Variants in ANO2 observed in about 807,000 individuals in gnomAD.
The protein encoded by ANO2 is anoctamin 2, also known as anoctamin-2.
In ANO2, 101 loss-of-function variants were observed where a neutral mutation model predicts 124.2. The observed-to-expected ratio is 0.81, with a 90% CI of 0.69 to 0.96. The LOEUF is 0.96. Among genes scored for constraint, ANO2 ranks in the 40% least tolerant of loss-of-function variants. The probability of loss-of-function intolerance (pLI) is 0.00; values close to 1 mark genes in which losing one functional copy is unlikely to be tolerated. For missense variants in ANO2, 1,293 were observed against 1,274.5 expected (o/e 1.01, Z -0.22); for synonymous variants, 486 against 482.5 (o/e 1.01, Z -0.09).
intron 14 of ANO2, among the ~76,000 whole-genome samples, chr12:5,678,611 G>T (rs114737191): frequency 6.6e-6 from 1 of 152,336 alleles, no homozygotes; most frequent in Non-Finnish European, 1.5e-5. Context: ...GCTGTCTTCT[G>T]TGCTACGTGG....
At chr12:5,713,293 T>C (rs2137042239) in intron 14 of ANO2, among the ~76,000 whole-genome samples, 1 of 152,308 alleles carries the variant, frequency 6.6e-6, no homozygotes, top group African/African-American at 2.4e-5. Context: ...GACAACTGGG[T>C]TGTTCAAAAG....
At chr12:5,791,738 A>G (rs1952701702) in intron 10 of ANO2, among the ~76,000 whole-genome samples, 1 of 152,204 alleles carries the variant, frequency 6.6e-6, no homozygotes, top group Admixed American at 6.5e-5. Flanking sequence ...TACCCACTTC[A>G]CAGGGTTGCT....
rs372130190 is a variant in ANO2 at position 5,578,346 on chromosome 12, C to A, written c.2386+20G>T. ...TGGCAGAAGGATGGGCCTGGTGGGG[C>A]CTCTAAGTGGGGCACGTACCGATAT... On this transcript the variant is annotated intron_variant, in intron 21 of 24. Transcript: ENST00000682330. 6.2e-7 allele frequency: 1 copy of A among 1,608,990 alleles called. No homozygotes were observed. Among genetic ancestry groups the A allele is most frequent in the Non-Finnish European group, 8.5e-7 (1 of 1,176,822 alleles).
chr12:5,823,115 A>G (rs146163187), intron 7 of ANO2, among the ~76,000 whole-genome samples: 1,995 of 152,316 alleles, frequency 0.013, 39 homozygotes, highest in Admixed American at 0.049. Context: ...CAGCCAAACC[A>G]TATCATTCCA....
At chr12:5,791,425 C>T (rs1449673427) in intron 10 of ANO2, among the ~76,000 whole-genome samples, 1 of 152,136 alleles carries the variant, frequency 6.6e-6, no homozygotes, top group Non-Finnish European at 1.5e-5. Flanking sequence ...ATAAAGATGG[C>T]CCCATCATAA....
At chr12:5,671,360 T>A (rs1189198979) in intron 14 of ANO2, among the ~76,000 whole-genome samples, 1 of 152,170 alleles carries the variant, frequency 6.6e-6, no homozygotes, top group Non-Finnish European at 1.5e-5. Context: ...ACAATAAATA[T>A]TTTAAAGTGT....
intron 10 of ANO2, among the ~76,000 whole-genome samples, chr12:5,764,257 C>T (rs1372493930): frequency 6.6e-6 from 1 of 152,222 alleles, no homozygotes; most frequent in Non-Finnish European, 1.5e-5. Flanking sequence ...CGTGGCAGAG[C>T]AACAATTTTA....
chr12:5,583,091 A>C (rs1467480898), intron 20 of ANO2, among the ~76,000 whole-genome samples: 1 of 152,226 alleles, frequency 6.6e-6, no homozygotes. Flanking sequence ...ATCACATAGC[A>C]GATGCTCAAA....
At chr12:5,648,508 C>A (rs182131507) in intron 14 of ANO2, among the ~76,000 whole-genome samples, 1 of 152,208 alleles carries the variant, frequency 6.6e-6, no homozygotes, top group African/African-American at 2.4e-5. Context: ...TATCCTGCGA[C>A]AATCGTTATC....
At position 5,875,404 on chromosome 12, in the gene ANO2, C is replaced by T. The variant is rs190033463; in HGVS notation, c.535-21263G>A. Among the ~76,000 whole-genome samples, 198 of 152,340 alleles carry T rather than the reference C, an allele frequency of 1.3e-3. 2 individuals carry two copies. Among genetic ancestry groups the T allele is most frequent in the African/African-American group, 4.2e-3 (173 of 41,582 alleles). ...TCAGCACTGCTCTTAAAGGGTACTC[C>T]TTCCTGCTACATCAAAAGGCACATG... On this transcript the variant is annotated intron_variant, in intron 3 of 24. Transcript: ENST00000682330.
At chr12:5,716,286 A>G (rs1470642859) in intron 14 of ANO2, among the ~76,000 whole-genome samples, 1 of 152,174 alleles carries the variant, frequency 6.6e-6, no homozygotes, top group Non-Finnish European at 1.5e-5. Flanking sequence ...CAGATCCCAG[A>G]GTTATTGTGT....
intron 10 of ANO2, among the ~76,000 whole-genome samples, chr12:5,764,328 T>C (rs150254123): frequency 7.2e-4 from 110 of 152,336 alleles, no homozygotes; most frequent in African/African-American, 2.6e-3. Context: ...CTGAGGTGTA[T>C]TGAGGACTAA....
At chr12:5,696,250 T>C (rs970353230) in intron 14 of ANO2, among the ~76,000 whole-genome samples, 3 of 152,080 alleles carry the variant, frequency 2.0e-5, no homozygotes, top group African/African-American at 4.8e-5. Flanking sequence ...AATAGATAAA[T>C]ATCTAACACA....
At chr12:5,625,416 GAGAA>G (rs1012706020) in intron 16 of ANO2, among the ~76,000 whole-genome samples, 10 of 152,092 alleles carry the variant, frequency 6.6e-5, no homozygotes, top group Admixed American at 6.5e-4. Flanking sequence ...CAGGGAGAGA[GAGAA>G]AGAGAGAGCC....
chr12:5,852,500 A>G (rs532577252), intron 4 of ANO2, among the ~76,000 whole-genome samples: 1 of 152,308 alleles, frequency 6.6e-6, no homozygotes, highest in East Asian at 1.9e-4. Flanking sequence ...TAATAAATCT[A>G]TAAGAACAGA....
At chr12:5,665,875 C>T (rs1191653220) in intron 14 of ANO2, among the ~76,000 whole-genome samples, 1 of 152,052 alleles carries the variant, frequency 6.6e-6, no homozygotes, top group Non-Finnish European at 1.5e-5. Flanking sequence ...CCCCCCTGTG[C>T]CACTGGCTGG....
chr12:5,596,326 T>C (rs1167087527), intron 20 of ANO2, among the ~76,000 whole-genome samples: 3 of 152,156 alleles, frequency 2.0e-5, no homozygotes, highest in Non-Finnish European at 2.9e-5. Flanking sequence ...ACTTAAAATA[T>C]TTATCCATAT....
In ANO2 at chr12:5,636,993, TTGGGTGTGTG is replaced by T. The variant is rs1946054078; in HGVS notation, c.1621-1656_1621-1647del. ...CTGGGTAGAGGAAGGCTGTGTGTGT[TTGGGTGTGTG>T]TGGGTGTGGGGAGAGGAGAGGTTAG... On this transcript the variant is annotated intron_variant, in intron 15 of 24. Coordinates refer to ENST00000682330, the MANE Select transcript of ANO2 (RefSeq NM_001364791.2). This position sits in a 1 kb window ranked among gnomAD's most constrained non-coding sequence, Gnocchi z 4.6. 6.6e-6 allele frequency among the ~76,000 whole-genome samples: 1 copy of T among 150,644 alleles called. No individual in the cohort carries two copies. Among genetic ancestry groups the T allele is most frequent in the East Asian group, 2.0e-4 (1 of 5,072 alleles).
At chr12:5,664,391 C>A (rs1947600404) in intron 14 of ANO2, among the ~76,000 whole-genome samples, 1 of 152,070 alleles carries the variant, frequency 6.6e-6, no homozygotes, top group Non-Finnish European at 1.5e-5. Flanking sequence ...ATTCATATAC[C>A]CATCTATCCA....
Sources: gnomAD v4.1 joint callset for allele counts (sites outside exome capture counted in the v4.1 genomes callset) on GRCh38, gnomAD v4.1.1 for gene constraint, Gnocchi (gnomAD v3.1) non-coding constraint, MANE v1.5 for transcripts, NCBI Gene and HGNC (gene_info 2026-07-23, HGNC 2026-07-21) for gene names.